The following TAMM41 variants were observed in gnomAD, a reference collection of about 807,000 sequenced individuals.
TAMM41 encodes the protein TAM41 mitochondrial translocator assembly and maintenance homolog.
A neutral mutation model predicts 44.1 loss-of-function variants in TAMM41; 36 were observed. The observed-to-expected ratio is 0.82, with a 90% confidence interval of 0.63 to 1.08. The LOEUF is 1.08. Ranked by LOEUF, TAMM41 falls within the 50% of genes least tolerant of loss-of-function variation. TAMM41 has a pLI of 0.00. For missense variants in TAMM41, 417 were observed against 404.3 expected, an observed-to-expected ratio of 1.03 and a Z score of -0.27; for synonymous variants, 164 against 153.1, an observed-to-expected ratio of 1.07 and a Z score of -0.53.
At chr3:11,844,726 A>T (rs1181421362) in intron 1 of TAMM41, among the ~76,000 whole-genome samples, 1 of 152,238 alleles carries the variant, frequency 6.6e-6, no homozygotes, top group Non-Finnish European at 1.5e-5. Flanking sequence ...ATATAAAAGG[A>T]AGTCAGTTAT....
chr3:11,804,061 C>A (rs754848332), intron 7 of TAMM41, among the ~76,000 whole-genome samples: 3 of 151,996 alleles, frequency 2.0e-5, no homozygotes, highest in Non-Finnish European at 2.9e-5. Flanking sequence ...ATTCCTTAAA[C>A]GTTTTAAAAA....
chr3:11,835,990 C>CTTTTT (rs34707251), intron 3 of TAMM41, among the ~76,000 whole-genome samples: 1 of 137,898 alleles, frequency 7.3e-6, no homozygotes, highest in African/African-American at 2.7e-5. Flanking sequence ...ATTCCTTTTC[C>CTTTTT]TTTTTTTTTT....
intron 7 of TAMM41, among the ~76,000 whole-genome samples, chr3:11,801,166 A>G (rs999797797): frequency 1.3e-5 from 2 of 152,152 alleles, no homozygotes; most frequent in Admixed American, 1.3e-4. Context: ...AGGCTACAAA[A>G]CAAGTCTTAA....
At chr3:11,814,444 G>C (rs892635596) in intron 5 of TAMM41, among the ~76,000 whole-genome samples, 2 of 151,840 alleles carry the variant, frequency 1.3e-5, no homozygotes, top group African/African-American at 4.8e-5. Context: ...TAGTAGAAGT[G>C]TTAGAAAACC....
chr3:11,724,511 G>T, the TAMM41 span, among the ~76,000 whole-genome samples: 1 of 152,020 alleles, frequency 6.6e-6, no homozygotes, highest in African/African-American at 2.4e-5. Flanking sequence ...CACCTCCTGG[G>T]TTCAAGCAAT....
chr3:11,815,567 T>C (rs2078245815), intron 5 of TAMM41, among the ~76,000 whole-genome samples: 1 of 152,094 alleles, frequency 6.6e-6, no homozygotes, highest in Non-Finnish European at 1.5e-5. Context: ...GAAAAGGCTG[T>C]CACAATAAAA....
intron 4 of TAMM41, among the ~76,000 whole-genome samples, chr3:11,821,250 T>A (rs1211001227): frequency 6.6e-6 from 1 of 152,190 alleles, no homozygotes; most frequent in Non-Finnish European, 1.5e-5. Flanking sequence ...ATTATTACAT[T>A]GTAATATATA....
intron 6 of TAMM41, chr3:11,808,421 G>A (rs2077984425): frequency 1.0e-6 from 1 of 981,474 alleles, no homozygotes; most frequent in Admixed American, 6.6e-5. Flanking sequence ...TCTTCAGGAT[G>A]GGGAGCTGGT....
At chr3:11,734,763 C>T in the TAMM41 span, among the ~76,000 whole-genome samples, 5 of 151,432 alleles carry the variant, frequency 3.3e-5, no homozygotes, top group Admixed American at 2.0e-4. Context: ...GGACCGGGCA[C>T]GGTGGCTCAC....
the TAMM41 span, among the ~76,000 whole-genome samples, chr3:11,722,722 G>A: frequency 2.0e-5 from 3 of 152,180 alleles, no homozygotes; most frequent in African/African-American, 7.2e-5. Flanking sequence ...TGTAATCCCA[G>A]CACTTTGGGA....
intron 2 of TAMM41, among the ~76,000 whole-genome samples, chr3:11,840,146 C>T (rs1318642668): frequency 6.6e-6 from 1 of 152,154 alleles, no homozygotes; most frequent in East Asian, 1.9e-4. Flanking sequence ...CCTTCAAAAA[C>T]CCTAACTGCC....
chr3:11,764,231 A>G, the TAMM41 span, among the ~76,000 whole-genome samples: 1 of 151,916 alleles, frequency 6.6e-6, no homozygotes, highest in Non-Finnish European at 1.5e-5. Flanking sequence ...CCTGGGCTCA[A>G]GTGATCCTCC....
chr3:11,805,677 C>T (rs1156632268), intron 7 of TAMM41, among the ~76,000 whole-genome samples: 1 of 152,150 alleles, frequency 6.6e-6, no homozygotes, highest in Non-Finnish European at 1.5e-5. Flanking sequence ...GAGGTGTGAC[C>T]ATACCAGCTC....
the TAMM41 span, among the ~76,000 whole-genome samples, chr3:11,773,859 T>G: frequency 6.6e-6 from 1 of 151,954 alleles, no homozygotes; most frequent in Admixed American, 6.6e-5. Context: ...GAAGCTGAGG[T>G]GGGTGGATCA....
At chr3:11,797,326 AC>A (rs1329585418) in intron 7 of TAMM41, among the ~76,000 whole-genome samples, 3 of 152,246 alleles carry the variant, frequency 2.0e-5, no homozygotes, top group African/African-American at 7.2e-5. Context: ...AGAACAGAGA[AC>A]CCGGAAATAA....
chr3:11,758,400 G>A, the TAMM41 span, among the ~76,000 whole-genome samples: 1 of 152,196 alleles, frequency 6.6e-6, no homozygotes, highest in Non-Finnish European at 1.5e-5. Flanking sequence ...TGCCCAGGTT[G>A]GAGTGCAGTG....
chr3:11,749,941 A>T, the TAMM41 span, among the ~76,000 whole-genome samples: 4 of 147,444 alleles, frequency 2.7e-5, no homozygotes, highest in African/African-American at 1.0e-4. Context: ...TCTGTTGCCC[A>T]GGCTGGAGTG....
chr3:11,751,394 G>C, the TAMM41 span, among the ~76,000 whole-genome samples: 1 of 152,106 alleles, frequency 6.6e-6, no homozygotes, highest in East Asian at 1.9e-4. Context: ...GCCTGGCCAA[G>C]ACTTTTCCTT....
chr3:11,732,658 T>C, the TAMM41 span, among the ~76,000 whole-genome samples: 2 of 152,170 alleles, frequency 1.3e-5, no homozygotes, highest in South Asian at 2.1e-4. Context: ...ATCACTCCAG[T>C]AGGGTGATCA....
Sources: gnomAD v4.1 joint callset for allele counts (sites outside exome capture counted in the v4.1 genomes callset) on GRCh38, gnomAD v4.1.1 for gene constraint, MANE v1.5 for transcripts, NCBI Gene and HGNC (gene_info 2026-07-23, HGNC 2026-07-21) for gene names.